CLASP1: variants seen among roughly 807,000 people sequenced by gnomAD.
CLASP1 encodes CLIP-associating protein 1.
In CLASP1, 38 loss-of-function variants were observed where a neutral mutation model predicts 192.3. The observed-to-expected ratio is 0.20, with a 90% confidence interval of 0.15 to 0.26. CLASP1 has a LOEUF of 0.26. CLASP1 is among the 10% of genes least tolerant of loss of function. The pLI, the probability that CLASP1 is intolerant of heterozygous loss-of-function variation, is 1.00. For synonymous variants in CLASP1, 691 were observed against 712.8 expected (o/e 0.97, Z 0.49); for missense variants, 1,433 against 1,932.5 (o/e 0.74, Z 4.85).
intron 2 of CLASP1, chr2:121,531,041 A>G (rs534104465): frequency 2.9e-6 from 2 of 699,166 alleles, no homozygotes; most frequent in Admixed American, 4.0e-5. Context: ...TATCAGTTCA[A>G]ACAGCAGTAA....
chr2:121,453,915 G>A (rs1361041070), intron 14 of CLASP1, among the ~76,000 whole-genome samples: 1 of 152,140 alleles, frequency 6.6e-6, no homozygotes, highest in Non-Finnish European at 1.5e-5. Flanking sequence ...CCTTTCTGAG[G>A]GCAGAGGGCA....
chr2:121,607,297 C>T (rs1342249625), intron 1 of CLASP1, among the ~76,000 whole-genome samples: 1 of 152,108 alleles, frequency 6.6e-6, no homozygotes, highest in Non-Finnish European at 1.5e-5. Context: ...CGACACAGTG[C>T]CACTGCACTC....
chr2:121,367,695 C>G (rs779224200), exon 35 of CLASP1: 1 of 1,613,984 alleles, frequency 6.2e-7, no homozygotes, highest in South Asian at 1.1e-5. Context: ...GTCTCGCGCC[C>G]GCGGCCCCGG....
intron 37 of CLASP1, among the ~76,000 whole-genome samples, chr2:121,351,708 G>A (rs2064463413): frequency 6.6e-6 from 1 of 152,188 alleles, no homozygotes; most frequent in African/African-American, 2.4e-5. Flanking sequence ...CCTACACTGG[G>A]ATTATGGATG....
intron 1 of CLASP1, among the ~76,000 whole-genome samples, chr2:121,606,831 G>A (rs2064485667): frequency 6.6e-6 from 1 of 152,216 alleles, no homozygotes; most frequent in South Asian, 2.1e-4. Context: ...GCCACGGCAG[G>A]CCGATCATTT....
intron 38 of CLASP1, among the ~76,000 whole-genome samples, 161 bp from the exon 40 acceptor site, chr2:121,347,315 T>G (rs2063573811): frequency 6.6e-6 from 1 of 152,148 alleles, no homozygotes; most frequent in Admixed American, 6.6e-5. Flanking sequence ...CCAGACAGCT[T>G]TCACCCCAAA....
At chr2:121,638,673 T>TTA (rs199667980) in intron 1 of CLASP1, among the ~76,000 whole-genome samples, 9 of 104,364 alleles carry the variant, frequency 8.6e-5, no homozygotes, top group African/African-American at 3.8e-4. Flanking sequence ...CTTTTTTATT[T>TTA]TTTTTTTTTT....
At chr2:121,401,739 C>A in intron 27 of CLASP1, 67 bp from the exon 29 acceptor site, 1 of 1,366,960 alleles carries the variant, frequency 7.3e-7, no homozygotes. Flanking sequence ...GTCTACAAAA[C>A]ATTAAAAATG....
intron 8 of CLASP1, among the ~76,000 whole-genome samples, chr2:121,502,100 C>T (rs558082267): frequency 6.6e-6 from 1 of 152,176 alleles, no homozygotes; most frequent in East Asian, 1.9e-4. Context: ...ACAAGAATTA[C>T]CCACTAGTTC....
At chr2:121,539,949 C>T (rs986035376) in intron 2 of CLASP1, among the ~76,000 whole-genome samples, 5 of 152,228 alleles carry the variant, frequency 3.3e-5, no homozygotes, top group African/African-American at 1.2e-4. Flanking sequence ...AAAAGACCCA[C>T]AAGACTGAGT....
intron 39 of CLASP1, among the ~76,000 whole-genome samples, chr2:121,346,438 A>C (rs192593926): frequency 2.6e-4 from 40 of 152,376 alleles, no homozygotes; most frequent in Non-Finnish European, 4.7e-4. Flanking sequence ...TTTCAGTGAC[A>C]TCCATTTTGG....
intron 2 of CLASP1, among the ~76,000 whole-genome samples, chr2:121,553,905 T>C (rs1052153801): frequency 2.0e-5 from 3 of 151,814 alleles, no homozygotes; most frequent in Non-Finnish European, 2.9e-5. Flanking sequence ...ATGTGGTAGA[T>C]CCATATAATT....
intron 2 of CLASP1, among the ~76,000 whole-genome samples, chr2:121,603,380 A>G (rs2064026962): frequency 6.6e-6 from 1 of 152,090 alleles, no homozygotes; most frequent in South Asian, 2.1e-4. Flanking sequence ...TGAGGTATCA[A>G]CTCACCCCTG....
At chr2:121,529,443 TAAATTTGTAAACAGTCGGTG>T (rs1163952843) in intron 3 of CLASP1, among the ~76,000 whole-genome samples, 2 of 152,218 alleles carry the variant, frequency 1.3e-5, no homozygotes, top group Non-Finnish European at 2.9e-5. Context: ...AAGCTTTTTT[TAAATTTGTAAACAGTCGGTG>T]CTCATGACCT....
At chr2:121,421,135 A>G (rs1003378718) in intron 22 of CLASP1, among the ~76,000 whole-genome samples, 2 of 152,244 alleles carry the variant, frequency 1.3e-5, no homozygotes, top group African/African-American at 4.8e-5. Context: ...AAGTAAATCT[A>G]GTGGTGACAT....
At chr2:121,647,254 G>C (rs1412686730) in intron 1 of CLASP1, among the ~76,000 whole-genome samples, 1 of 152,070 alleles carries the variant, frequency 6.6e-6, no homozygotes, top group Non-Finnish European at 1.5e-5. Flanking sequence ...TGTAATCCCA[G>C]CTACTCAGGC....
chr2:121,439,090 T>C (rs2082811032), intron 19 of CLASP1, among the ~76,000 whole-genome samples: 1 of 151,070 alleles, frequency 6.6e-6, no homozygotes. Context: ...TTTATCCATT[T>C]CTTCTAGATT....
chr2:121,387,227 C>A, exon 32 of CLASP1: 1 of 1,583,918 alleles, frequency 6.3e-7, no homozygotes, highest in Admixed American at 1.9e-5. Flanking sequence ...GCTTGGAGAG[C>A]CCTGGGGTGA....
chr2:121,580,246 G>C (rs1312358108), intron 2 of CLASP1, among the ~76,000 whole-genome samples: 5 of 152,134 alleles, frequency 3.3e-5, no homozygotes, highest in African/African-American at 7.2e-5. Context: ...CCTAACAAGG[G>C]CATTACTTTT....
Sources: allele counts gnomAD v4.1 joint callset (sites outside exome capture counted in the v4.1 genomes callset), GRCh38; gene constraint gnomAD v4.1.1; transcripts MANE v1.5; gene names NCBI Gene and HGNC (gene_info 2026-07-23, HGNC 2026-07-21).